The following CCDC9 variants were observed in gnomAD, a reference collection of about 807,000 sequenced individuals.
CCDC9 encodes coiled-coil domain containing 9.
Under a neutral mutation model 65.6 loss-of-function variants are expected in CCDC9, and 52 were observed. That is an observed-to-expected ratio of 0.79 (90% CI 0.63 to 1.00). CCDC9 has a LOEUF of 1.00. Ranked by LOEUF, CCDC9 falls within the 50% of genes least tolerant of loss-of-function variation. The pLI, the probability that CCDC9 is intolerant of heterozygous loss-of-function variation, is 0.00. For missense variants in CCDC9, 834 were observed against 757.2 expected, an observed-to-expected ratio of 1.10 and a Z score of -1.19; for synonymous variants, 332 against 280.3, an observed-to-expected ratio of 1.18 and a Z score of -1.84.
At chr19:47,270,992 C>T in intron 10 of CCDC9, 90 bp from the exon 11 acceptor site, 1 of 957,038 alleles carries the variant, frequency 1.0e-6, no homozygotes, top group Non-Finnish European at 1.6e-6. Flanking sequence ...ATGCTCTGGG[C>T]AGCTCCTCCC....
In CCDC9 at chr19:47,271,071, G is replaced by A. The variant is rs2059113194; in HGVS notation, c.1086-11G>A. On this transcript the variant is annotated splice_polypyrimidine_tract_variant and intron_variant, in intron 10 of 11. Transcript: ENST00000221922. Reference sequence around the variant, plus strand: ...CCACCCAGGCATCACCCCTCCCTCTGTTCCCTCTAGTGACCATGATGACCG... The same window carrying A: ...CCACCCAGGCATCACCCCTCCCTCTATTCCCTCTAGTGACCATGATGACCG... 3 of 1,535,206 alleles carry A rather than the reference G, an allele frequency of 2.0e-6. No individual in the cohort carries two copies. The highest frequency in any genetic ancestry group is 2.6e-6 in the Non-Finnish European group (3 of 1,140,114).
At chr19:47,266,374 A>AT in intron 7 of CCDC9, 1 of 480,900 alleles carries the variant, frequency 2.1e-6, no homozygotes, top group Non-Finnish European at 3.6e-6. Flanking sequence ...ATATAGTGAG[A>AT]TGTGAGGTCC....
intron 8 of CCDC9, among the ~76,000 whole-genome samples, chr19:47,268,605 T>G (rs2059096947): frequency 6.6e-6 from 1 of 152,170 alleles, no homozygotes; most frequent in Non-Finnish European, 1.5e-5. Context: ...AAAAGCAGTT[T>G]GCAACAAGTC....
downstream of CCDC9, chr19:47,274,525 C>G (rs925196118): frequency 6.1e-6 from 1 of 162,808 alleles, no homozygotes; most frequent in Non-Finnish European, 1.3e-5. Context: ...GGCTGCGGCA[C>G]AGGGCGGGTT....
chr19:47,273,325 C>A, downstream of CCDC9: 1 of 1,220,060 alleles, frequency 8.2e-7, no homozygotes, highest in Non-Finnish European at 1.0e-6. Flanking sequence ...AAGACTGCTC[C>A]CCTCCGCTGA....
At chr19:47,271,027 C>T in intron 10 of CCDC9, 55 bp from the exon 11 acceptor site, 1 of 1,329,758 alleles carries the variant, frequency 7.5e-7, no homozygotes, top group Non-Finnish European at 1.0e-6. Flanking sequence ...GCAGGAAGCC[C>T]CTTCCTCCTG....
rs565351906 is a variant in CCDC9, at chr19:47,261,332, G to C, written c.462+493G>C. 5.9e-5 allele frequency among the ~76,000 whole-genome samples: 9 copies of C among 152,122 alleles called. No homozygotes were observed. The South Asian group carries it at 1.7e-3, about 28-fold the overall frequency. Reference sequence around the variant, plus strand: ...TCTGTGTGGCATTCTGTTTCTGTGTGTTTCTCTTGGTCCCCGGCTTTGGTT... The same window carrying C: ...TCTGTGTGGCATTCTGTTTCTGTGTCTTTCTCTTGGTCCCCGGCTTTGGTT... On this transcript the variant is annotated intron_variant, in intron 5 of 11. Transcript: ENST00000221922.
chr19:47,275,130 G>T, downstream of CCDC9: 1 of 1,490,522 alleles, frequency 6.7e-7, no homozygotes. Context: ...ACAGCCCAGC[G>T]CGCCGTCCCC....
At chr19:47,261,073 C>T (rs1291007666) in intron 5 of CCDC9, among the ~76,000 whole-genome samples, 1 of 151,924 alleles carries the variant, frequency 6.6e-6, no homozygotes, top group Non-Finnish European at 1.5e-5. Flanking sequence ...TGTGTTTTTC[C>T]TTGTCTCTTT....
At chr19:47,268,089 C>T (rs2059094263) in intron 8 of CCDC9, among the ~76,000 whole-genome samples, 1 of 152,122 alleles carries the variant, frequency 6.6e-6, no homozygotes, top group South Asian at 2.1e-4. Flanking sequence ...CCTCATGATT[C>T]ACCCACCTCA....
chr19:47,260,387 C>T lies in CCDC9; in HGVS notation c.175C>T (p.Arg59Cys), dbSNP rs576317764. 109 of 1,606,260 alleles carry T rather than the reference C, an allele frequency of 6.8e-5. No homozygotes were observed. Among genetic ancestry groups the T allele is most frequent in the South Asian group, 6.4e-4 (57 of 89,736 alleles). Residue 59 changes from arginine to cysteine, a missense_variant, in exon 4 of 12, where the codon CGC (arginine) becomes TGC (cysteine). By Grantham distance (180) the Arg-to-Cys change is radical. Transcript: ENST00000221922. ...GVAVTAPRKG[R>C]SVEKENVAVE... ...CGCAGTCACAGCTCCCCGAAAGGGC[C>T]GCTCAGTGGAGAAGGAGAACGTGGC... is the stretch of plus-strand genomic sequence containing the variant.
intron 7 of CCDC9, among the ~76,000 whole-genome samples, chr19:47,265,377 T>C (rs2059074930): frequency 6.6e-6 from 1 of 152,118 alleles, no homozygotes; most frequent in Non-Finnish European, 1.5e-5. Context: ...ATTAAGGATT[T>C]ATGGTATGTT....
chr19:47,266,602 G>C lies in CCDC9; in HGVS notation c.721-9G>C. 5 of 1,514,556 alleles carry C rather than the reference G, an allele frequency of 3.3e-6. No individual in the cohort carries two copies. The highest frequency in any genetic ancestry group is 4.4e-6 in the Non-Finnish European group (5 of 1,124,488). The allele number at this position is 1,514,556 out of a possible 1,614,324, so 93.8% of individuals were successfully genotyped here. A position where few individuals can be genotyped will look rare whatever the true frequency, so the allele number is the denominator to read the frequency against. The stretch of plus-strand genomic sequence containing the variant: ...ACATCACCCTGACTCCCTGTGGGCT[G>C]GGGGGCAGGGCCGCCGAGCTGGCCT... On this transcript the variant is annotated splice_polypyrimidine_tract_variant and intron_variant, in intron 7 of 11. Transcript: ENST00000221922.
chr19:47,272,592 C>T (rs2059130839), downstream of CCDC9, among the ~76,000 whole-genome samples: 1 of 152,072 alleles, frequency 6.6e-6, no homozygotes, highest in African/African-American at 2.4e-5. Flanking sequence ...ACTGTACTCC[C>T]ACCTGGGCGA....
At position 47,260,856 on chromosome 19, in the gene CCDC9, G is replaced by A. The variant is rs201335168; in HGVS notation, c.462+17G>A. The A allele has an allele frequency of 2.6e-5, 41 of 1,600,010 alleles. 1 individual carries two copies. Among genetic ancestry groups the A allele is most frequent in the African/African-American group, 4.1e-5 (3 of 73,882 alleles). ...AAATCCAAGGTAGGAGCTAGGCAGC[G>A]CCTGGAGCCCTGGCTGAGGTTCTCT... On this transcript the variant is annotated intron_variant, in intron 5 of 11. Coordinates refer to ENST00000221922, the MANE Select transcript of CCDC9 (RefSeq NM_015603.3).
At chr19:47,274,894 G>C, downstream of CCDC9, 1 of 1,261,572 alleles carries the variant, frequency 7.9e-7, no homozygotes, top group Non-Finnish European at 9.9e-7. Flanking sequence ...TGCGGTCTGC[G>C]GCGCGGAGCC....
Position 47,265,983 on chromosome 19 carries a change from G to GC in CCDC9, c.721-627dup, listed in dbSNP as rs1331865294. 1.4e-4 allele frequency among the ~76,000 whole-genome samples: 10 copies of GC among 71,786 alleles called. 2 individuals are homozygous for GC. Among genetic ancestry groups the GC allele is most frequent in the African/African-American group, 3.7e-4 (5 of 13,452 alleles). The allele number at this position is 71,786 out of a possible 152,430, so 47.1% of individuals were successfully genotyped here. A position where few individuals can be genotyped will look rare whatever the true frequency, so the allele number is the denominator to read the frequency against. On this transcript the variant is annotated intron_variant, in intron 7 of 11. Coordinates refer to ENST00000221922, the MANE Select transcript of CCDC9 (RefSeq NM_015603.3). The stretch of plus-strand genomic sequence containing the variant: ...TTACAGGCGTGAGCCACCGCTCCTG[G>GC]CTTTTTTTTTTTTTTTTTTTTTTTT...
intron 8 of CCDC9, among the ~76,000 whole-genome samples, chr19:47,267,701 C>T (rs907432677): frequency 3.9e-5 from 6 of 152,158 alleles, no homozygotes; most frequent in Admixed American, 6.6e-5. Flanking sequence ...ATAGGAACAC[C>T]GGTGGCGGCA....
Position 47,271,722 on chromosome 19 carries a change from TGTGTGTGTGTGCGCGCGCGCGCGCGC to T in CCDC9, c.*46_*71del, listed in dbSNP as rs779723925. 374 of 1,345,026 alleles carry T rather than the reference TGTGTGTGTGTGCGCGCGCGCGCGCGC, an allele frequency of 2.8e-4. No individual in the cohort carries two copies. Among genetic ancestry groups the T allele is most frequent in the Non-Finnish European group, 3.3e-4 (344 of 1,037,152 alleles). The allele number at this position is 1,345,026 out of a possible 1,614,324, so 83.3% of individuals were successfully genotyped here. On this transcript the variant is annotated 3_prime_UTR_variant, in exon 12 of 12. Transcript: ENST00000221922. ...GTGTGTGTGTGTGTGTGTGTGTGTG[TGTGTGTGTGTGCGCGCGCGCGCGCGC>T]GCGCGCGCGCGCTAGAGGGGTGTGG...
Sources: allele counts gnomAD v4.1 joint callset (sites outside exome capture counted in the v4.1 genomes callset), GRCh38; gene constraint gnomAD v4.1.1; transcripts MANE v1.5; gene names NCBI Gene and HGNC (gene_info 2026-07-23, HGNC 2026-07-21).